Variants in ZBTB20 observed in about 807,000 individuals in gnomAD.
The protein encoded by ZBTB20 is zinc finger and BTB domain-containing protein 20.
In ZBTB20, 9 loss-of-function variants were observed where a neutral mutation model predicts 56.9. The observed-to-expected ratio is 0.16, with a 90% CI of 0.10 to 0.28. ZBTB20 has a LOEUF of 0.28. ZBTB20 is among the 10% of genes least tolerant of loss of function. The pLI, the probability that ZBTB20 is intolerant of heterozygous loss-of-function variation, is 1.00. For synonymous variants in ZBTB20, 417 were observed against 420.7 expected, an observed-to-expected ratio of 0.99 and a Z score of 0.11; for missense variants, 655 against 1,003.0, an observed-to-expected ratio of 0.65 and a Z score of 4.69.
intron 2 of ZBTB20, among the ~76,000 whole-genome samples, chr3:115,059,760 A>G (rs2081950297): frequency 6.6e-6 from 1 of 152,154 alleles, no homozygotes; most frequent in South Asian, 2.1e-4. Flanking sequence ...TCCCTTCTGT[A>G]CATTATGATC....
At chr3:114,600,193 T>G (rs1307513104) in intron 6 of ZBTB20, among the ~76,000 whole-genome samples, 1 of 151,994 alleles carries the variant, frequency 6.6e-6, no homozygotes, top group Non-Finnish European at 1.5e-5. Context: ...AGGCTTAACT[T>G]CTGTTGTCAA....
intron 5 of ZBTB20, among the ~76,000 whole-genome samples, chr3:114,715,080 A>G (rs540846326): frequency 4.6e-5 from 7 of 152,316 alleles, no homozygotes; most frequent in African/African-American, 7.2e-5. Context: ...ATTAACCTTA[A>G]TAAGTCATTC....
chr3:114,881,811 T>C (rs1380952826), intron 4 of ZBTB20, among the ~76,000 whole-genome samples: 1 of 151,862 alleles, frequency 6.6e-6, no homozygotes, highest in Non-Finnish European at 1.5e-5. Context: ...GGTGCTTTTA[T>C]TTCAAGTGAT....
chr3:114,511,410 C>T (rs2109809093), intron 6 of ZBTB20, among the ~76,000 whole-genome samples: 1 of 152,194 alleles, frequency 6.6e-6, no homozygotes, highest in South Asian at 2.1e-4. Flanking sequence ...AAGATTTAGA[C>T]TTAAATGGAC....
chr3:114,843,127 G>A (rs888697822), intron 4 of ZBTB20, among the ~76,000 whole-genome samples: 9 of 152,082 alleles, frequency 5.9e-5, no homozygotes, highest in Non-Finnish European at 1.2e-4. Flanking sequence ...AGTTTCCTGA[G>A]GCCTCCCCAG....
intron 6 of ZBTB20, among the ~76,000 whole-genome samples, chr3:114,561,962 C>T (rs2052115085): frequency 6.6e-6 from 1 of 152,148 alleles, no homozygotes. Flanking sequence ...GCTAGATCAT[C>T]CAGATAACTT....
intron 5 of ZBTB20, among the ~76,000 whole-genome samples, chr3:114,782,834 T>C (rs1348583065): frequency 2.0e-5 from 3 of 152,346 alleles, no homozygotes; most frequent in Admixed American, 2.0e-4. Flanking sequence ...CTGGCTGATA[T>C]GCAGAGATAA....
intron 7 of ZBTB20, among the ~76,000 whole-genome samples, chr3:114,458,566 G>A (rs2092160177): frequency 6.6e-6 from 1 of 152,046 alleles, no homozygotes; most frequent in South Asian, 2.1e-4. Flanking sequence ...ATGATAAGCT[G>A]ATTTTCTTAC....
intron 5 of ZBTB20, among the ~76,000 whole-genome samples, chr3:114,748,213 A>G (rs1366295639): frequency 6.6e-6 from 1 of 152,064 alleles, no homozygotes; most frequent in Non-Finnish European, 1.5e-5. Context: ...TCTTAACATA[A>G]ATTTTTTATA....
intron 5 of ZBTB20, among the ~76,000 whole-genome samples, chr3:114,694,829 A>G (rs1387594225): frequency 6.6e-6 from 1 of 152,048 alleles, no homozygotes; most frequent in Non-Finnish European, 1.5e-5. Context: ...AAGATGTAAA[A>G]TTGTCTTCTG....
chr3:114,740,664 A>C (rs1235883454), intron 5 of ZBTB20, among the ~76,000 whole-genome samples: 1 of 152,186 alleles, frequency 6.6e-6, no homozygotes, highest in Non-Finnish European at 1.5e-5. Context: ...TGAACAAAAA[A>C]TGTCATTATT....
chr3:114,686,406 T>C (rs1455695794), intron 6 of ZBTB20, among the ~76,000 whole-genome samples: 2 of 152,226 alleles, frequency 1.3e-5, no homozygotes, highest in Non-Finnish European at 2.9e-5. Context: ...GTATGAGAGA[T>C]GCTGTGCAGG....
chr3:115,032,468 T>C (rs2080726965), intron 2 of ZBTB20, among the ~76,000 whole-genome samples: 1 of 151,104 alleles, frequency 6.6e-6, no homozygotes, highest in Non-Finnish European at 1.5e-5. Flanking sequence ...GGAAGAGAAA[T>C]GGGGGTTTGT....
chr3:114,919,554 A>T (rs537208102), intron 3 of ZBTB20, among the ~76,000 whole-genome samples: 1 of 151,930 alleles, frequency 6.6e-6, no homozygotes, highest in East Asian at 1.9e-4. Flanking sequence ...AAAAATACAA[A>T]ATTAGCCGGG....
intron 6 of ZBTB20, among the ~76,000 whole-genome samples, chr3:114,654,365 C>T (rs910838588): frequency 6.6e-6 from 1 of 151,824 alleles, no homozygotes; most frequent in Non-Finnish European, 1.5e-5. Flanking sequence ...TTTAAAATTT[C>T]ATGACTTTCA....
At chr3:114,804,131 A>G (rs2071924663) in intron 4 of ZBTB20, among the ~76,000 whole-genome samples, 1 of 151,976 alleles carries the variant, frequency 6.6e-6, no homozygotes, top group South Asian at 2.1e-4. Context: ...CTCCTTAAAG[A>G]TTCTGAATGG....
chr3:115,019,263 G>T (rs557678556), intron 2 of ZBTB20, among the ~76,000 whole-genome samples: 1 of 151,288 alleles, frequency 6.6e-6, no homozygotes, highest in Non-Finnish European at 1.5e-5. Context: ...TAAATAATTT[G>T]TTGACAAATA....
intron 6 of ZBTB20, among the ~76,000 whole-genome samples, chr3:114,673,825 T>TG (rs1292713284): frequency 6.6e-6 from 1 of 152,212 alleles, no homozygotes; most frequent in Non-Finnish European, 1.5e-5. Context: ...ACGTTCATAA[T>TG]GTATCCCCTA....
At chr3:114,394,596 C>T (rs140661200) in intron 7 of ZBTB20, among the ~76,000 whole-genome samples, 1 of 152,308 alleles carries the variant, frequency 6.6e-6, no homozygotes, top group Non-Finnish European at 1.5e-5. Flanking sequence ...AAACGAATCA[C>T]CCAGGGCTTC....
Sources: allele counts gnomAD v4.1 joint callset (sites outside exome capture counted in the v4.1 genomes callset), GRCh38; gene constraint gnomAD v4.1.1; transcripts MANE v1.5; gene names NCBI Gene and HGNC (gene_info 2026-07-23, HGNC 2026-07-21).